The following HTT variants were observed in gnomAD, a reference collection of about 807,000 sequenced individuals.
HTT encodes the protein huntington disease protein.
Under a neutral mutation model 362.3 loss-of-function variants are expected in HTT, and 104 were observed. The observed-to-expected ratio is 0.29, with a 90% CI of 0.24 to 0.34. The LOEUF (loss-of-function observed/expected upper bound fraction) is 0.34, where lower values mean the gene tolerates loss of function less well. Ranked by LOEUF, HTT falls within the 10% of genes least tolerant of loss-of-function variation. The probability of loss-of-function intolerance (pLI) is 1.00; values close to 1 mark genes in which losing one functional copy is unlikely to be tolerated. For missense variants in HTT, 3,301 were observed against 3,928.6 expected (o/e 0.84, Z 4.27); for synonymous variants, 1,577 against 1,548.7 (o/e 1.02, Z -0.43).
At chr4:3,159,834 A>C (rs996943648) in intron 28 of HTT, among the ~76,000 whole-genome samples, 1 of 152,210 alleles carries the variant, frequency 6.6e-6, no homozygotes, top group Non-Finnish European at 1.5e-5. Context: ...AACACATCTT[A>C]CACCTGATTT....
In HTT at chr4:3,180,969, C is replaced by T. The variant is rs530950280; in HGVS notation, c.4749+318C>T. ...TTGGCTCATTGCAAGCTCCACCTCC[C>T]GGGTTTAAGCAATTCTCCTGCCTCC... On this transcript the variant is annotated intron_variant, in intron 36 of 66. Coordinates refer to ENST00000355072, the MANE Select transcript of HTT (RefSeq NM_001388492.1). Among the ~76,000 whole-genome samples, 224 of 151,542 alleles carry T rather than the reference C, an allele frequency of 1.5e-3. 1 individual carries two copies. Among genetic ancestry groups the T allele is most frequent in the Non-Finnish European group, 2.4e-3 (165 of 67,888 alleles).
In HTT at chr4:3,199,769, G is replaced by C. The variant is rs1403309342; in HGVS notation, c.5406G>C (p.Leu1802=). 6.2e-7 allele frequency: 1 copy of C among 1,614,146 alleles called. No individual in the cohort carries two copies. Among genetic ancestry groups the C allele is most frequent in the Admixed American group, 1.7e-5 (1 of 60,022 alleles). Residue 1802 remains leucine, a synonymous_variant, in exon 41 of 67, where the codon CTG becomes CTC. Transcript: ENST00000355072. ...GAATCACAGCAGCTGCCACTAGGCT[G>C]TTCCGCAGTGATGGCTGTGGCGGCA... is the stretch of plus-strand genomic sequence containing the variant. The part of the protein sequence containing the change: ...FRRITAAATR[L]FRSDGCGGSF...
intron 49 of HTT, among the ~76,000 whole-genome samples, chr4:3,213,722 G>A (rs1052298294): frequency 6.6e-6 from 1 of 152,242 alleles, no homozygotes; most frequent in African/African-American, 2.4e-5. Context: ...CGCTGAAGGA[G>A]AGAGAGGCAG....
At position 3,127,118 on chromosome 4, in the gene HTT, T is replaced by G. The variant is rs1427287714; in HGVS notation, c.1403-146T>G. The G allele has an allele frequency of 8.0e-5, 51 of 641,142 alleles. No individual in the cohort carries two copies. In the East Asian group the frequency reaches 1.4e-3, roughly 17 times the overall value. 39.7% of individuals were successfully genotyped at this position (641,142 alleles called of 1,614,324 possible). A position where few individuals can be genotyped will look rare whatever the true frequency, so the allele number is the denominator to read the frequency against. On this transcript the variant is annotated intron_variant, in intron 11 of 66. Coordinates refer to ENST00000355072, the MANE Select transcript of HTT (RefSeq NM_001388492.1). ...TGTGAGAGATGCTTGAAGGATGCAC[T>G]GCTGTCCTGCATTTCAGCATCTTCA...
chr4:3,239,529 G>A (rs978576767), intron 66 of HTT, among the ~76,000 whole-genome samples: 37 of 152,230 alleles, frequency 2.4e-4, no homozygotes, highest in African/African-American at 7.7e-4. Flanking sequence ...GCACGGCTCT[G>A]CCCTCACTGC....
chr4:3,107,094 G>T (rs1417727591), intron 5 of HTT, among the ~76,000 whole-genome samples, 191 bp from the exon 6 acceptor site: 3 of 152,180 alleles, frequency 2.0e-5, no homozygotes, highest in Non-Finnish European at 2.9e-5. Context: ...GATCATAAGA[G>T]AAATGAAGGA....
intron 38 of HTT, 98 bp downstream of exon 38, chr4:3,186,817 G>A (rs1158374801): frequency 9.6e-7 from 1 of 1,042,350 alleles, no homozygotes; most frequent in Non-Finnish European, 1.4e-6. Context: ...GTCAGTTTGG[G>A]TAGGGCTTCT....
chr4:3,074,800 A>T lies in HTT; in HGVS notation c.-26A>T. On this transcript the variant is annotated 5_prime_UTR_variant, in exon 1 of 67. Coordinates refer to ENST00000355072, the MANE Select transcript of HTT (RefSeq NM_001388492.1). ...GCGAGTCGGCCCGAGGCCTCCGGGG[A>T]CTGCCGTGCCGGGCGGGAGACCGCC... is the stretch of plus-strand genomic sequence containing the variant. The T allele has an allele frequency of 4.6e-6, 7 of 1,509,888 alleles. No individual in the cohort carries two copies. Among genetic ancestry groups the T allele is most frequent in the South Asian group, 1.2e-5 (1 of 82,044 alleles). 93.5% of individuals were successfully genotyped at this position (1,509,888 alleles called of 1,614,324 possible). A position where few individuals can be genotyped will look rare whatever the true frequency, so the allele number is the denominator to read the frequency against.
At chr4:3,224,199 C>G (rs1372908367) in intron 56 of HTT, 68 bp downstream of exon 56, 1 of 1,513,856 alleles carries the variant, frequency 6.6e-7, no homozygotes, top group Non-Finnish European at 9.1e-7. Context: ...CTGGCATGCT[C>G]ACCACACCAG....
At chr4:3,148,457 G>C in intron 26 of HTT, among the ~76,000 whole-genome samples, 1 of 152,104 alleles carries the variant, frequency 6.6e-6, no homozygotes, top group Non-Finnish European at 1.5e-5. Context: ...TTCGAGACCA[G>C]CCTGGGCAAC....
intron 3 of HTT, among the ~76,000 whole-genome samples, chr4:3,102,548 C>T (rs1435858196): frequency 6.6e-6 from 1 of 152,322 alleles, no homozygotes; most frequent in East Asian, 1.9e-4. Flanking sequence ...TGTTTTTACT[C>T]CTCAGAATTT....
At chr4:3,147,248 G>T (rs1716648533) in intron 25 of HTT, among the ~76,000 whole-genome samples, 1 of 152,186 alleles carries the variant, frequency 6.6e-6, no homozygotes, top group Non-Finnish European at 1.5e-5. Context: ...CGGGCACTGG[G>T]ATGTTAAGAA....
rs1719854925 is a variant in HTT at position 3,206,405 on chromosome 4, C to T, written c.5719-91C>T. ...GGTTTATATTTGGGATGTGTTTTCT[C>T]CTTCTTACCCTTTCTGGCCTTTCTA... On this transcript the variant is annotated intron_variant, in intron 42 of 66. Transcript: ENST00000355072. This position sits in a 1 kb window ranked among gnomAD's most constrained non-coding sequence, Gnocchi z 4.6. 1 of 943,498 alleles carries T rather than the reference C, an allele frequency of 1.1e-6. No individual in the cohort carries two copies. 58.4% of individuals were successfully genotyped at this position (943,498 alleles called of 1,614,324 possible).
At chr4:3,161,459 A>C (rs1255259519) in intron 29 of HTT, among the ~76,000 whole-genome samples, 1 of 152,184 alleles carries the variant, frequency 6.6e-6, no homozygotes. Flanking sequence ...GCTGGGTCAA[A>C]TGGTATTTCT....
At chr4:3,217,648 GA>G in intron 51 of HTT, 116 bp from the exon 52 acceptor site, 1 of 834,224 alleles carries the variant, frequency 1.2e-6, no homozygotes. Flanking sequence ...GGCCAACTCA[GA>G]GTCTAAGTGG....
rs1167752162 is a variant in HTT, at chr4:3,131,546, A to G, written c.2099-92A>G. The G allele has an allele frequency of 2.6e-6, 4 of 1,552,240 alleles. No homozygotes were observed. The East Asian group carries it at 9.0e-5, about 35-fold the overall frequency. ...ACTAGCCGAGGGGAGGGAGGAAATG[A>G]TGGGAGCAGGTAGGTTATTGGGTCT... is the stretch of plus-strand genomic sequence containing the variant. On this transcript the variant is annotated intron_variant, in intron 15 of 66. Transcript: ENST00000355072.
At chr4:3,226,393 C>T (rs1201978809) in intron 57 of HTT, among the ~76,000 whole-genome samples, 1 of 152,170 alleles carries the variant, frequency 6.6e-6, no homozygotes, top group African/African-American at 2.4e-5. Context: ...CTTACCTGAG[C>T]TCAGGAGGTT....
At chr4:3,133,032 C>A in intron 18 of HTT, 121 bp downstream of exon 18, 1 of 754,752 alleles carries the variant, frequency 1.3e-6, no homozygotes, top group South Asian at 1.5e-5. Flanking sequence ...ACCAGTAATA[C>A]CCACCATGTA....
At position 3,178,290 on chromosome 4, in the gene HTT, G is replaced by A. The variant is rs1462754412; in HGVS notation, c.4464-8G>A. On this transcript the variant is annotated splice_polypyrimidine_tract_variant and splice_region_variant and intron_variant, in intron 34 of 66. Transcript: ENST00000355072. ...AAGAAAGGTCTAAATGGATGTTTTT[G>A]TTTTTAGGGAATCAGAGGCAATCAT... The A allele has an allele frequency of 3.1e-6, 5 of 1,589,364 alleles. No homozygotes were observed. The Admixed American group carries it at 6.8e-5, about 22-fold the overall frequency.
Sources: gnomAD v4.1 joint callset for allele counts (sites outside exome capture counted in the v4.1 genomes callset) on GRCh38, gnomAD v4.1.1 for gene constraint, Gnocchi (gnomAD v3.1) non-coding constraint, MANE v1.5 for transcripts, NCBI Gene and HGNC (gene_info 2026-07-23, HGNC 2026-07-21) for gene names.